CROCC2: variants seen among roughly 807,000 people sequenced by gnomAD.
The protein encoded by CROCC2 is ciliary rootlet coiled-coil protein 2.
In CROCC2, 163 loss-of-function variants were observed where a neutral mutation model predicts 177.6. The observed-to-expected ratio is 0.92, with a 90% confidence interval of 0.81 to 1.05. The LOEUF (loss-of-function observed/expected upper bound fraction) is 1.05. CROCC2 is among the 50% of genes least tolerant of loss of function. CROCC2 has a pLI of 0.00. For missense variants in CROCC2, 1,929 were observed against 1,797.8 expected, an observed-to-expected ratio of 1.07 and a Z score of -1.32; for synonymous variants, 904 against 787.3, an observed-to-expected ratio of 1.15 and a Z score of -2.48.
At chr2:240,951,599 T>C (rs1222813720) in intron 18 of CROCC2, among the ~76,000 whole-genome samples, 1 of 152,068 alleles carries the variant, frequency 6.6e-6, no homozygotes, top group Non-Finnish European at 1.5e-5. Context: ...CATGCAATCA[T>C]TCATCAGTTC....
chr2:240,959,311 G>T lies in CROCC2; in HGVS notation c.2954G>T (p.Ser985Ile). The T allele has an allele frequency of 1.3e-6, 2 of 1,550,390 alleles. No individual in the cohort carries two copies. Among genetic ancestry groups the T allele is most frequent in the Non-Finnish European group, 1.7e-6 (2 of 1,146,924 alleles). ...CCCTTCTCCCCGCAGGCCACCATCA[G>T]TGCCACGACTGAGGAGCTGAAGGCC... ...SQQEQAQATISATTEELKALQ... is the reference protein window; with the variant it reads ...SQQEQAQATIIATTEELKALQ... Residue 985 changes from serine (S) to isoleucine (I), a missense_variant, in exon 20 of 32, where the codon AGT (serine) becomes ATT (isoleucine). By Grantham distance (142) the Ser-to-Ile change is moderately radical. This residue lies in a region of CROCC2 where 1,397 missense variants were observed against 1,239.9 expected (regional missense o/e 1.13). Transcript: ENST00000690015.
In CROCC2 at chr2:240,930,210, G is replaced by A. The variant is rs371276181; in HGVS notation, c.690G>A (p.Leu230=). 13 of 597,462 alleles carry A rather than the reference G, an allele frequency of 2.2e-5. No homozygotes were observed. The highest frequency in any genetic ancestry group is 1.1e-4 in the African/African-American group (6 of 53,018). The allele number at this position is 597,462 out of a possible 1,614,324, so 37.0% of individuals were successfully genotyped here. The change falls in exon 6 of 32, where the codon CTG becomes CTA. Residue 230 remains leucine (L), a synonymous_variant. Transcript: ENST00000690015. The part of the protein sequence containing the change: ...GLGQPRDLLL[L]WRQAVVLGTD... ...GGCAGCCCCGGGACCTCCTCCTCCT[G>A]TGGAGACAGGCCGTGGTGCTGGGGA...
intron 28 of CROCC2, 69 bp downstream of exon 28, chr2:240,983,098 CCCTGTGGT>C: frequency 7.0e-7 from 1 of 1,422,680 alleles, no homozygotes. Context: ...AGGGAAGAGG[CCCTGTGGT>C]CCTTTGCAGA....
chr2:240,956,075 C>G (rs2059588335), intron 19 of CROCC2, 103 bp downstream of exon 19: 1 of 805,180 alleles, frequency 1.2e-6, no homozygotes, highest in African/African-American at 1.7e-5. Context: ...CCCTCTCCAT[C>G]CCCTCCCTTC....
intron 28 of CROCC2, chr2:240,983,666 G>A (rs1384040159): frequency 6.4e-6 from 8 of 1,255,222 alleles, no homozygotes; most frequent in South Asian, 1.2e-5. Flanking sequence ...GCTGGCCCAC[G>A]CATGCTTCTG....
chr2:240,921,873 C>T (rs1322034449), intron 3 of CROCC2, among the ~76,000 whole-genome samples: 1 of 152,200 alleles, frequency 6.6e-6, no homozygotes, highest in Non-Finnish European at 1.5e-5. Context: ...ACCCCTCCAC[C>T]TAGGCCATCC....
At chr2:240,940,158 A>G (rs528416186) in intron 14 of CROCC2, among the ~76,000 whole-genome samples, 117 of 152,152 alleles carry the variant, frequency 7.7e-4, no homozygotes, top group African/African-American at 2.6e-3. Flanking sequence ...GGGCATTACA[A>G]TCTCTAGCTG....
intron 30 of CROCC2, among the ~76,000 whole-genome samples, chr2:240,990,652 G>A (rs1467052283): frequency 1.3e-5 from 2 of 152,094 alleles, no homozygotes; most frequent in Admixed American, 6.6e-5. Flanking sequence ...GCGCGATCTC[G>A]GCTCACTGCA....
chr2:240,946,939 T>C (rs1294023918), intron 15 of CROCC2, among the ~76,000 whole-genome samples: 1 of 152,208 alleles, frequency 6.6e-6, no homozygotes, highest in Non-Finnish European at 1.5e-5. Flanking sequence ...CCAAAGGCCC[T>C]CAGGGCAACT....
intron 20 of CROCC2, among the ~76,000 whole-genome samples, chr2:240,959,954 G>T (rs116254819): frequency 2.6e-5 from 4 of 152,202 alleles, no homozygotes; most frequent in African/African-American, 9.6e-5. Context: ...CACACCTGCC[G>T]CTGGGAGGGC....
intron 5 of CROCC2, among the ~76,000 whole-genome samples, chr2:240,926,128 GCAC>G (rs1433233218): frequency 6.6e-6 from 1 of 152,230 alleles, no homozygotes; most frequent in Non-Finnish European, 1.5e-5. Flanking sequence ...TCAGAATGGG[GCAC>G]TGGGGCCGCA....
rs1324799903 is a variant in CROCC2 at position 240,965,631 on chromosome 2, T to A, written c.3604-5T>A. 2 of 1,550,356 alleles carry A rather than the reference T, an allele frequency of 1.3e-6. No homozygotes were observed. The highest frequency in any genetic ancestry group is 1.7e-6 in the Non-Finnish European group (2 of 1,146,920). On this transcript the variant is annotated splice_region_variant and splice_polypyrimidine_tract_variant and intron_variant, in intron 23 of 31. Coordinates refer to ENST00000690015, the MANE Select transcript of CROCC2 (RefSeq NM_001351305.2). ...CACGGGCGCACCCCAACATCCCTCC[T>A]ACAGGTCCTGGGATTGCAGAGGAAG...
chr2:240,951,200 C>A (rs1487138273), intron 18 of CROCC2, among the ~76,000 whole-genome samples: 2 of 151,840 alleles, frequency 1.3e-5, no homozygotes, highest in African/African-American at 4.8e-5. Context: ...TCCATCCATT[C>A]ATTCATCCAT....
Position 240,963,645 on chromosome 2 carries a change from G to T in CROCC2, c.3177G>T (p.Glu1059Asp). Residue 1059 changes from glutamate to aspartate, a missense_variant, in exon 21 of 32, where the codon GAG becomes GAT. Transcript: ENST00000690015. ...QELQGVEESR[E>D]GLHREAQEAR... ...TGCAGGGCGTCGAGGAGAGCCGGGA[G>T]GGGCTGCACAGGGAGGCCCAGGAGG... 6.5e-7 allele frequency: 1 copy of T among 1,549,894 alleles called. No homozygotes were observed.
Position 240,964,663 on chromosome 2 carries a change from C to A in CROCC2, c.3465+38C>A, listed in dbSNP as rs375323117. ...GGAGGGGTCAACATCCAACCAGGCACCCTCCCGCCTGGTGGGTCCCGGCTC... is the reference window on the plus strand; with the variant it reads ...GGAGGGGTCAACATCCAACCAGGCAACCTCCCGCCTGGTGGGTCCCGGCTC... On this transcript the variant is annotated intron_variant, in intron 22 of 31. Coordinates refer to ENST00000690015, the MANE Select transcript of CROCC2 (RefSeq NM_001351305.2). The A allele has an allele frequency of 3.9e-6, 6 of 1,537,332 alleles. No individual in the cohort carries two copies. In the African/African-American group the frequency reaches 8.2e-5, roughly 21 times the overall value.
chr2:240,989,033 G>A (rs1050278273), intron 29 of CROCC2, among the ~76,000 whole-genome samples, 163 bp downstream of exon 29: 10 of 152,142 alleles, frequency 6.6e-5, no homozygotes, highest in Admixed American at 1.3e-4. Context: ...GATGGATACA[G>A]ACTCAGACCA....
At chr2:240,937,986 C>T (rs1309239522) in intron 14 of CROCC2, among the ~76,000 whole-genome samples, 2 of 152,220 alleles carry the variant, frequency 1.3e-5, no homozygotes, top group African/African-American at 2.4e-5. Context: ...TTGTAAGTTT[C>T]CTGAGGTCTC....
intron 5 of CROCC2, 138 bp from the exon 6 acceptor site, chr2:240,930,028 C>T (rs1019328944): frequency 1.1e-5 from 6 of 532,734 alleles, no homozygotes; most frequent in Non-Finnish European, 1.7e-5. Context: ...GCTCATTTGC[C>T]TGTGAGATAT....
rs765872820 is a variant in CROCC2 at position 240,935,480 on chromosome 2, G to A, written c.2061G>A (p.Arg687=). The A allele has an allele frequency of 2.7e-5, 37 of 1,357,424 alleles. No individual in the cohort carries two copies. The highest frequency in any genetic ancestry group is 3.3e-5 in the Admixed American group (1 of 30,340). The allele number at this position is 1,357,424 out of a possible 1,614,324, so 84.1% of individuals were successfully genotyped here. A position where few individuals can be genotyped will look rare whatever the true frequency, so the allele number is the denominator to read the frequency against. The change falls in exon 14 of 32, where the codon AGG becomes AGA. Residue 687 remains arginine, a synonymous_variant. Coordinates refer to ENST00000690015, the MANE Select transcript of CROCC2 (RefSeq NM_001351305.2). ...QQLALERAER[R]GLQQACGRLE... Reference sequence around the variant, plus strand: ...TGGCGCTGGAGCGGGCAGAGCGCAGGGGCCTGCAGCAGGCCTGCGGACGCC... The same window carrying A: ...TGGCGCTGGAGCGGGCAGAGCGCAGAGGCCTGCAGCAGGCCTGCGGACGCC...
Sources: allele counts gnomAD v4.1 joint callset (sites outside exome capture counted in the v4.1 genomes callset), GRCh38; gene constraint gnomAD v4.1.1; regional missense constraint gnomAD v4.1.1; transcripts MANE v1.5; gene names NCBI Gene and HGNC (gene_info 2026-07-23, HGNC 2026-07-21).